Variants in IL10 observed in about 807,000 individuals in gnomAD.
The protein encoded by IL10 is interleukin-10.
Under a neutral mutation model 21.0 loss-of-function variants are expected in IL10, and 7 were observed. The ratio of observed to expected loss-of-function variants is 0.33; its 90% confidence interval spans 0.19 to 0.63. The LOEUF (loss-of-function observed/expected upper bound fraction) is 0.63. IL10 is among the 20% of genes least tolerant of loss of function. IL10 has a pLI of 0.77. For missense variants in IL10, 161 were observed against 213.0 expected, an observed-to-expected ratio of 0.76 and a Z score of 1.52; for synonymous variants, 83 against 79.7, an observed-to-expected ratio of 1.04 and a Z score of -0.22.
At chr1:206,769,777 A>G in intron 4 of IL10, 52 bp downstream of exon 4, 1 of 1,367,978 alleles carries the variant, frequency 7.3e-7, no homozygotes, top group Non-Finnish European at 1.0e-6. Context: ...GGGGTTGGGG[A>G]GTGGGCATGG....
intron 3 of IL10, 72 bp downstream of exon 3, chr1:206,770,835 G>C (rs1315130148): frequency 7.1e-7 from 1 of 1,411,272 alleles, no homozygotes; most frequent in African/African-American, 1.4e-5. Context: ...GTGGATGTGA[G>C]TGTCCCTGCT....
rs764179812 is a variant in IL10, at chr1:206,769,917, T to C, written c.379-23A>G. On this transcript the variant is annotated intron_variant, in intron 3 of 4. Coordinates refer to ENST00000423557, the MANE Select transcript of IL10 (RefSeq NM_000572.3). ...ATGCTGTGGAAGAAAAGAGAAAGTG[T>C]TGGTGATCCTGGCTTCCAGCTCCAT... is the stretch of plus-strand genomic sequence containing the variant. 4 of 1,604,744 alleles carry C rather than the reference T, an allele frequency of 2.5e-6. No homozygotes were observed. The Admixed American group carries it at 6.7e-5, about 27-fold the overall frequency.
rs1289932206 is a variant in IL10 at position 206,770,847 on chromosome 1, G to A, written c.378+60C>T. On this transcript the variant is annotated intron_variant, in intron 3 of 4. Coordinates refer to ENST00000423557, the MANE Select transcript of IL10 (RefSeq NM_000572.3). The stretch of plus-strand genomic sequence containing the variant: ...TCTGTGGATGTGAGTGTCCCTGCTG[G>A]TCTGTAGGAGATGGTATTTTGGGGG... 2.0e-6 allele frequency: 3 copies of A among 1,514,466 alleles called. 1 individual carries two copies. Among genetic ancestry groups the A allele is most frequent in the Non-Finnish European group, 2.8e-6 (3 of 1,088,402 alleles). 93.8% of individuals were successfully genotyped at this position (1,514,466 alleles called of 1,614,324 possible).
At chr1:206,770,707 G>A in intron 3 of IL10, 200 bp downstream of exon 3, 3 of 606,364 alleles carry the variant, frequency 4.9e-6, no homozygotes, top group Non-Finnish European at 8.8e-6. Context: ...AATTTCACAT[G>A]TAAATGCCTA....
intron 4 of IL10, 117 bp downstream of exon 4, chr1:206,769,712 C>T: frequency 2.5e-6 from 2 of 815,490 alleles, no homozygotes; most frequent in Non-Finnish European, 4.4e-6. Context: ...CAGGTTCCCA[C>T]ACTCTCTCCA....
chr1:206,770,692 T>C, intron 3 of IL10: 1 of 591,146 alleles, frequency 1.7e-6, no homozygotes, highest in Non-Finnish European at 3.0e-6. Context: ...GGAAAGCTGT[T>C]TGCAAATTTC....
chr1:206,770,965 G>T lies in IL10; in HGVS notation c.320C>A (p.Ala107Glu). ...GTTCTCCCCCAGGGAGTTCACATGC[G>T]CCTTGATGTCTGGGTCTTGGTTCTC... is the stretch of plus-strand genomic sequence containing the variant. ...QAENQDPDIK[A>E]HVNSLGENLK... is the part of the protein sequence containing the mutation. The change falls in exon 3 of 5, where the codon GCG becomes GAG. Residue 107 changes from alanine to glutamate, a missense_variant. Coordinates refer to ENST00000423557, the MANE Select transcript of IL10 (RefSeq NM_000572.3). 1.9e-6 allele frequency: 3 copies of T among 1,614,076 alleles called. No individual in the cohort carries two copies. The highest frequency in any genetic ancestry group is 2.5e-6 in the Non-Finnish European group (3 of 1,179,952).
chr1:206,769,382 T>C (rs1267339916), intron 4 of IL10, among the ~76,000 whole-genome samples: 1 of 152,260 alleles, frequency 6.6e-6, no homozygotes. Flanking sequence ...TAAGTGAGAA[T>C]CCAGCTTCCT....
Position 206,768,434 on chromosome 1 carries a change from G to T in IL10, c.*202C>A. 1.8e-6 allele frequency: 1 copy of T among 555,326 alleles called. No individual in the cohort carries two copies. The allele number at this position is 555,326 out of a possible 1,614,324, so 34.4% of individuals were successfully genotyped here. A position where few individuals can be genotyped will look rare whatever the true frequency, so the allele number is the denominator to read the frequency against. On this transcript the variant is annotated 3_prime_UTR_variant, in exon 5 of 5. Transcript: ENST00000423557. ...AAATATTGAAAAAAATTATAATATT[G>T]GGCTTCTTTCTAAATCGTTCACAGA...
intron 4 of IL10, 185 bp downstream of exon 4, chr1:206,769,644 A>G (rs775186486): frequency 4.5e-6 from 3 of 663,196 alleles, no homozygotes; most frequent in Non-Finnish European, 8.2e-6. Flanking sequence ...CACTTAACAG[A>G]AAACAAATAC....
At chr1:206,770,871 G>T (rs370871933) in intron 3 of IL10, 36 bp downstream of exon 3, 3 of 1,607,694 alleles carry the variant, frequency 1.9e-6, no homozygotes, top group African/African-American at 2.7e-5. Context: ...GTATTTTGGG[G>T]GCAGCTGCAA....
At chr1:206,772,156 A>C in intron 1 of IL10, 115 bp downstream of exon 1, 3 of 879,952 alleles carry the variant, frequency 3.4e-6, no homozygotes, top group Non-Finnish European at 3.8e-6. Context: ...GTTTGGGGGA[A>C]TAGGTGTTGG....
chr1:206,770,845 T>G, intron 3 of IL10, 62 bp downstream of exon 3: 2 of 1,503,294 alleles, frequency 1.3e-6, no homozygotes, highest in Non-Finnish European at 1.9e-6. Flanking sequence ...GTGTCCCTGC[T>G]GGTCTGTAGG....
intron 3 of IL10, 113 bp downstream of exon 3, chr1:206,770,794 A>G (rs1482650902): frequency 9.6e-7 from 1 of 1,039,780 alleles, no homozygotes; most frequent in African/African-American, 1.6e-5. Flanking sequence ...ATTTACAGCT[A>G]GCTCTGCCAG....
rs1397818065 is a variant in IL10 at position 206,767,656 on chromosome 1, GACAA to G, written c.*976_*979del. ...AAAATTAAAATCTGCTATGAAGACA[GACAA>G]ACAATGTAACATTCCCAGAGGAATT... is the stretch of plus-strand genomic sequence containing the variant. On this transcript the variant is annotated 3_prime_UTR_variant, in exon 5 of 5. Coordinates refer to ENST00000423557, the MANE Select transcript of IL10 (RefSeq NM_000572.3). The G allele has an allele frequency of 6.6e-6, 1 of 152,322 alleles. No homozygotes were observed. Among genetic ancestry groups the G allele is most frequent in the Non-Finnish European group, 1.5e-5 (1 of 68,026 alleles). 9.4% of individuals were successfully genotyped at this position (152,322 alleles called of 1,614,324 possible).
In IL10 at chr1:206,768,564, C is replaced by G. The variant is rs1674732059; in HGVS notation, c.*72G>C. On this transcript the variant is annotated 3_prime_UTR_variant, in exon 5 of 5. Transcript: ENST00000423557. ...TCTCAAGGGGCTGGGTCAGCTATCC[C>G]AGAGCCCCAGATCCGATTTTGGAGA... is the stretch of plus-strand genomic sequence containing the variant. The G allele has an allele frequency of 5.9e-6, 5 of 849,504 alleles. No homozygotes were observed. Among genetic ancestry groups the G allele is most frequent in the South Asian group, 1.4e-5 (1 of 73,596 alleles). 52.6% of individuals were successfully genotyped at this position (849,504 alleles called of 1,614,324 possible).
Position 206,770,963 on chromosome 1 carries a change from G to A in IL10, c.322C>T (p.His108Tyr). Reference sequence around the variant, plus strand: ...AGGTTCTCCCCCAGGGAGTTCACATGCGCCTTGATGTCTGGGTCTTGGTTC... The same window carrying A: ...AGGTTCTCCCCCAGGGAGTTCACATACGCCTTGATGTCTGGGTCTTGGTTC... Reference protein sequence around the residue: ...AENQDPDIKAHVNSLGENLKT... With the variant: ...AENQDPDIKAYVNSLGENLKT... Residue 108 changes from histidine (H) to tyrosine (Y), a missense_variant, in exon 3 of 5, where the codon CAT becomes TAT. His to Tyr is a moderately conservative substitution (Grantham distance 83). Transcript: ENST00000423557. 1 of 1,614,126 alleles carries A rather than the reference G, an allele frequency of 6.2e-7. No homozygotes were observed. Among genetic ancestry groups the A allele is most frequent in the Non-Finnish European group, 8.5e-7 (1 of 1,179,972 alleles).
At chr1:206,768,781 A>G in intron 4 of IL10, 53 bp from the exon 5 acceptor site, 1 of 1,077,598 alleles carries the variant, frequency 9.3e-7, no homozygotes, top group Non-Finnish European at 1.4e-6. Flanking sequence ...GGGACTAAAT[A>G]GGCTCCCCTC....
intron 2 of IL10, 134 bp from the exon 3 acceptor site, chr1:206,771,193 C>A: frequency 8.3e-7 from 1 of 1,198,186 alleles, no homozygotes; most frequent in African/African-American, 1.5e-5. Context: ...AGGGACTGAG[C>A]CCTTTGTAAA....
Sources: allele counts gnomAD v4.1 joint callset (sites outside exome capture counted in the v4.1 genomes callset), GRCh38; gene constraint gnomAD v4.1.1; transcripts MANE v1.5; gene names NCBI Gene and HGNC (gene_info 2026-07-23, HGNC 2026-07-21).